Variants in TMEM63B observed in about 807,000 individuals in gnomAD.
TMEM63B encodes mechanosensitive cation channel TMEM63B.
A neutral mutation model predicts 102.6 loss-of-function variants in TMEM63B; 23 were observed. That is an observed-to-expected ratio of 0.22 (90% CI 0.16 to 0.32). TMEM63B has a LOEUF of 0.32. Ranked by LOEUF, TMEM63B falls within the 10% of genes least tolerant of loss-of-function variation. The probability of loss-of-function intolerance (pLI) is 1.00; values close to 1 mark genes in which losing one functional copy is unlikely to be tolerated. For synonymous variants in TMEM63B, 444 were observed against 437.0 expected (o/e 1.02, Z -0.20); for missense variants, 628 against 1,095.9 (o/e 0.57, Z 6.03).
intron 10 of TMEM63B, among the ~76,000 whole-genome samples, chr6:44,143,157 A>G (rs1175766853): frequency 2.6e-5 from 4 of 152,224 alleles, no homozygotes; most frequent in African/African-American, 4.8e-5. Context: ...GTGAACATCT[A>G]TCTGGTCAGG....
Position 44,154,899 on chromosome 6 carries a change from C to T in TMEM63B, c.*16C>T. On this transcript the variant is annotated 3_prime_UTR_variant, in exon 24 of 24. Coordinates refer to ENST00000323267, the MANE Select transcript of TMEM63B (RefSeq NM_018426.3). ...TCACCAGTAAGGGGAGGGAGGGGCC[C>T]TGGAGGCCACATCCTGCCCCACCCC... is the stretch of plus-strand genomic sequence containing the variant. 2 of 1,510,210 alleles carry T rather than the reference C, an allele frequency of 1.3e-6. No individual in the cohort carries two copies. The highest frequency in any genetic ancestry group is 1.8e-6 in the Non-Finnish European group (2 of 1,130,646). The allele number at this position is 1,510,210 out of a possible 1,614,324, so 93.6% of individuals were successfully genotyped here. A position where few individuals can be genotyped will look rare whatever the true frequency, so the allele number is the denominator to read the frequency against.
Position 44,153,717 on chromosome 6 carries a change from A to G in TMEM63B, c.1984A>G (p.Asn662Asp). ...GCTGAAGCACCTGGTAGACAGGTAC[A>G]ATCTCTACTACGCCTACCTGCCGGC... ...MLLKHLVDRYNLYYAYLPAKL... is the reference protein window; with the variant it reads ...MLLKHLVDRYDLYYAYLPAKL... Residue 662 changes from asparagine to aspartate, a missense_variant, in exon 21 of 24, where the codon AAT becomes GAT. Asn to Asp is a conservative substitution (Grantham distance 23, BLOSUM62 1). Coordinates refer to ENST00000323267, the MANE Select transcript of TMEM63B (RefSeq NM_018426.3). The G allele has an allele frequency of 6.2e-7, 1 of 1,614,120 alleles. No individual in the cohort carries two copies. Among genetic ancestry groups the G allele is most frequent in the Non-Finnish European group, 8.5e-7 (1 of 1,179,996 alleles).
At chr6:44,140,787 A>T (rs1405820208) in intron 9 of TMEM63B, among the ~76,000 whole-genome samples, 1 of 152,048 alleles carries the variant, frequency 6.6e-6, no homozygotes, top group Non-Finnish European at 1.5e-5. Context: ...AGAGCATGGG[A>T]CGGCGTGGCT....
chr6:44,153,995 G>A, intron 21 of TMEM63B, 78 bp from the exon 22 acceptor site: 1 of 1,560,104 alleles, frequency 6.4e-7, no homozygotes, highest in Non-Finnish European at 8.8e-7. Flanking sequence ...AGTGAGGACT[G>A]CATTCAGAGG....
rs190618494 is a variant in TMEM63B at position 44,139,029 on chromosome 6, C to T, written c.408-438C>T. The T allele has an allele frequency of 2.0e-3, 508 of 252,556 alleles. 3 individuals carry two copies. The highest frequency in any genetic ancestry group is 7.5e-3 in the African/African-American group (337 of 45,186). The allele number at this position is 252,556 out of a possible 1,614,324, so 15.6% of individuals were successfully genotyped here. ...ACACCCATGAGGTGCTGCTGCCCCTCCTCCCATCCTTCCTTCACTTCTGCC... is the reference window on the plus strand; with the variant it reads ...ACACCCATGAGGTGCTGCTGCCCCTTCTCCCATCCTTCCTTCACTTCTGCC... On this transcript the variant is annotated intron_variant, in intron 6 of 23. Transcript: ENST00000323267.
In TMEM63B at chr6:44,154,109, T is replaced by C. The variant is rs1162986008; in HGVS notation, c.2147T>C (p.Val716Ala). 6.8e-6 allele frequency: 11 copies of C among 1,614,008 alleles called. No individual in the cohort carries two copies. Among genetic ancestry groups the C allele is most frequent in the Non-Finnish European group, 8.5e-6 (10 of 1,179,990 alleles). The change falls in exon 22 of 24, where the codon GTC (valine) becomes GCC (alanine). Residue 716 changes from valine (V) to alanine (A), a missense_variant. Val to Ala is a moderately conservative substitution (Grantham distance 64, BLOSUM62 0). Transcript: ENST00000323267. Reference protein sequence around the residue: ...LAPTSMFTFVVLVITIVICLC... With the variant: ...LAPTSMFTFVALVITIVICLC... ...CCCACGTCTATGTTCACATTTGTGG[T>C]CCTGGTCATCACCATCGTCATCTGT...
chr6:44,130,446 CTT>C (rs879386148), intron 1 of TMEM63B, among the ~76,000 whole-genome samples: 2 of 145,260 alleles, frequency 1.4e-5, no homozygotes, highest in Non-Finnish European at 3.0e-5. Context: ...TTTTTCTTTC[CTT>C]TTTTTTTTTA....
Position 44,150,939 on chromosome 6 carries a change from C to T in TMEM63B, c.1673+310C>T, listed in dbSNP as rs1766469721. 6.6e-6 allele frequency among the ~76,000 whole-genome samples: 1 copy of T among 152,082 alleles called. No homozygotes were observed. The highest frequency in any genetic ancestry group is 2.4e-5 in the African/African-American group (1 of 41,406). On this transcript the variant is annotated intron_variant, in intron 18 of 23. Transcript: ENST00000323267. The surrounding 1 kb of genome is among the most constrained non-coding windows in gnomAD (Gnocchi z 4.7). ...GTAGTTTCTATGGGGGTGTCTTGTG[C>T]CCATATTCTGGGACTAACTGTGGGC...
At chr6:44,135,544 G>T (rs971478204) in intron 4 of TMEM63B, among the ~76,000 whole-genome samples, 178 bp downstream of exon 4, 1 of 152,218 alleles carries the variant, frequency 6.6e-6, no homozygotes, top group Non-Finnish European at 1.5e-5. Flanking sequence ...TCCCCAGCTT[G>T]TCTCTGCCTC....
chr6:44,127,545 C>T (rs1467000955), upstream of TMEM63B: 1 of 144,074 alleles, frequency 6.9e-6, no homozygotes, highest in Non-Finnish European at 1.5e-5. Context: ...CCCCCGCTCC[C>T]CCTCCCCCAT....
intron 1 of TMEM63B, 169 bp from the exon 2 acceptor site, chr6:44,134,392 C>T (rs1562115371): frequency 1.6e-6 from 1 of 644,024 alleles, no homozygotes; most frequent in Non-Finnish European, 2.6e-6. Context: ...GAAGGTAAAT[C>T]CATGTGACTC....
upstream of TMEM63B, chr6:44,127,168 A>ACGCCCCTCCCCGTCGGGACC (rs1777208187): frequency 8.8e-5 from 7 of 79,416 alleles, no homozygotes; most frequent in Non-Finnish European, 2.1e-4. Flanking sequence ...CCCCGTCGGG[A>ACGCCCCTCCCCGTCGGGACC]CCCCCCTCCC....
Position 44,147,461 on chromosome 6 carries a change from T to C in TMEM63B, c.948T>C (p.Cys316=). The change falls in exon 12 of 24, where the codon TGT becomes TGC. Residue 316 remains cysteine, a synonymous_variant. Transcript: ENST00000323267. ...NVPTMINPKP[C]GHLCCCVVRG... ...CTACCATGATCAACCCCAAGCCCTG[T>C]GGCCACCTCTGCTGCTGTGTGGTGC... 1 of 1,614,144 alleles carries C rather than the reference T, an allele frequency of 6.2e-7. No homozygotes were observed.
At chr6:44,132,473 A>C (rs907830820) in intron 1 of TMEM63B, among the ~76,000 whole-genome samples, 2 of 152,110 alleles carry the variant, frequency 1.3e-5, no homozygotes, top group African/African-American at 4.8e-5. Flanking sequence ...TCAGAGAGAG[A>C]AACAGGCAAG....
chr6:44,135,464 T>C (rs1762757774), intron 4 of TMEM63B, 98 bp downstream of exon 4: 1 of 1,466,846 alleles, frequency 6.8e-7, no homozygotes, highest in Non-Finnish European at 9.2e-7. Context: ...TGGTTTCTTT[T>C]TGCAGTTTTC....
rs1032488590 is a variant in TMEM63B at position 44,153,677 on chromosome 6, G to A, written c.1944G>A (p.Gly648=). ...SITCPIIVPF[G]LMYMLLKHLV... ...CAGGGCCCATGTGGCTTCCCTTAGG[G>A]CTCATGTACATGCTGCTGAAGCACC... Residue 648 remains glycine (G), a splice_region_variant and synonymous_variant, in exon 21 of 24, where the codon GGG becomes GGA. Coordinates refer to ENST00000323267, the MANE Select transcript of TMEM63B (RefSeq NM_018426.3). 5 of 1,613,390 alleles carry A rather than the reference G, an allele frequency of 3.1e-6. No homozygotes were observed. The African/African-American group carries it at 5.3e-5, about 17-fold the overall frequency.
Position 44,135,057 on chromosome 6 carries a change from G to C in TMEM63B, c.200G>C (p.Trp67Ser). The C allele has an allele frequency of 6.2e-7, 1 of 1,614,256 alleles. No individual in the cohort carries two copies. The highest frequency in any genetic ancestry group is 8.5e-7 in the Non-Finnish European group (1 of 1,180,040). Reference sequence around the variant, plus strand: ...TTCTCTATCCTCCGGAAGGTGGCCTGGGACTATGGGCGGCTGGCCTTGGTG... The same window carrying C: ...TTCTCTATCCTCCGGAAGGTGGCCTCGGACTATGGGCGGCTGGCCTTGGTG... ...FLFSILRKVAWDYGRLALVTD... is the reference protein window; with the variant it reads ...FLFSILRKVASDYGRLALVTD... The change falls in exon 3 of 24, where the codon TGG becomes TCG. Residue 67 changes from tryptophan (W) to serine (S), a missense_variant. Transcript: ENST00000323267.
At chr6:44,127,785 TGCGGGACCCAGAGGTGCCCGGGCCC>T (rs1482261693) in intron 1 of TMEM63B, 107 bp downstream of exon 1, 4 of 151,432 alleles carry the variant, frequency 2.6e-5, no homozygotes, top group African/African-American at 7.3e-5. Flanking sequence ...TTCAACCTCC[TGCGGGACCCAGAGGTGCCCGGGCCC>T]GCGGGACCCA....
chr6:44,129,641 A>G (rs1777907109), intron 1 of TMEM63B, among the ~76,000 whole-genome samples: 1 of 152,122 alleles, frequency 6.6e-6, no homozygotes, highest in African/African-American at 2.4e-5. Context: ...CACAGTGTAA[A>G]CCCTTAGGTC....
Sources: allele counts gnomAD v4.1 joint callset (sites outside exome capture counted in the v4.1 genomes callset), GRCh38; gene constraint gnomAD v4.1.1; non-coding constraint Gnocchi (gnomAD v3.1); transcripts MANE v1.5; gene names NCBI Gene and HGNC (gene_info 2026-07-23, HGNC 2026-07-21).